KCNK1: variants seen among roughly 807,000 people sequenced by gnomAD.
The protein encoded by KCNK1 is potassium channel subfamily K member 1.
Under a neutral mutation model 22.2 loss-of-function variants are expected in KCNK1, and 10 were observed. That is an observed-to-expected ratio of 0.45 (90% confidence interval 0.28 to 0.76). The LOEUF (loss-of-function observed/expected upper bound fraction) is 0.76. Among genes scored for constraint, KCNK1 ranks in the 30% least tolerant of loss-of-function variants. The pLI, the probability that KCNK1 is intolerant of heterozygous loss-of-function variation, is 0.14. For synonymous variants in KCNK1, 200 were observed against 186.4 expected, an observed-to-expected ratio of 1.07 and a Z score of -0.60; for missense variants, 378 against 421.0, an observed-to-expected ratio of 0.90 and a Z score of 0.89.
rs1657445631 is a variant in KCNK1, at chr1:233,614,440, T to A, written c.269T>A (p.Val90Glu). 1 of 1,613,294 alleles carries A rather than the reference T, an allele frequency of 6.2e-7. No homozygotes were observed. The highest frequency in any genetic ancestry group is 1.3e-5 in the African/African-American group (1 of 74,900). The change falls in exon 1 of 3, where the codon GTG becomes GAG. Residue 90 changes from valine (V) to glutamate (E), a missense_variant. Physicochemically the swap from Val to Glu is moderately radical, Grantham distance 121. Coordinates refer to ENST00000366621, the MANE Select transcript of KCNK1 (RefSeq NM_002245.4). ...GRVLEASNYG[V>E]SVLSNASGNW... ...GTGCTGGAGGCCAGCAACTACGGCG[T>A]GTCGGTGCTCAGCAACGCCTCGGGC... is the stretch of plus-strand genomic sequence containing the variant.
intron 1 of KCNK1, among the ~76,000 whole-genome samples, chr1:233,636,045 G>A (rs936516992): frequency 1.3e-5 from 2 of 152,152 alleles, no homozygotes; most frequent in South Asian, 4.2e-4. Flanking sequence ...CCTGAGCCAG[G>A]AGTATACCTA....
chr1:233,632,092 AT>A (rs1394878092), intron 1 of KCNK1, among the ~76,000 whole-genome samples: 1 of 152,150 alleles, frequency 6.6e-6, no homozygotes, highest in South Asian at 2.1e-4. Flanking sequence ...ACAGGAAAAC[AT>A]TGCGTTGTCT....
intron 2 of KCNK1, among the ~76,000 whole-genome samples, chr1:233,667,716 C>G (rs6681445): frequency 0.3 from 35,832 of 118,242 alleles, 4,957 homozygotes; most frequent in Middle Eastern, 0.38. Flanking sequence ...GGCGACAGAG[C>G]GAGACTCCGT....
At chr1:233,662,266 CTTCTT>C (rs1558119283) in intron 1 of KCNK1, among the ~76,000 whole-genome samples, 70 of 138,274 alleles carry the variant, frequency 5.1e-4, no homozygotes, top group Admixed American at 2.2e-3. Context: ...TCTTCTTCTT[CTTCTT>C]CTCCTCCTCC....
intron 1 of KCNK1, among the ~76,000 whole-genome samples, chr1:233,665,184 G>A (rs773375146): frequency 1.3e-5 from 2 of 152,200 alleles, no homozygotes; most frequent in Non-Finnish European, 2.9e-5. Flanking sequence ...AGAAATGACC[G>A]GGGGGTGGGG....
At chr1:233,621,019 C>T (rs1657577305) in intron 1 of KCNK1, among the ~76,000 whole-genome samples, 1 of 152,122 alleles carries the variant, frequency 6.6e-6, no homozygotes, top group African/African-American at 2.4e-5. Flanking sequence ...TACTTAGGTC[C>T]CAAAGCCGGA....
intron 1 of KCNK1, among the ~76,000 whole-genome samples, chr1:233,617,451 C>T (rs577133295): frequency 5.3e-5 from 8 of 152,206 alleles, no homozygotes; most frequent in East Asian, 3.9e-4. Context: ...GGTTCATGGC[C>T]GGGGAACTTA....
chr1:233,665,471 C>A (rs1658472275), intron 1 of KCNK1, among the ~76,000 whole-genome samples: 1 of 152,308 alleles, frequency 6.6e-6, no homozygotes, highest in African/African-American at 2.4e-5. Flanking sequence ...GTATTGCAAG[C>A]CATACATAAT....
intron 1 of KCNK1, among the ~76,000 whole-genome samples, chr1:233,657,765 A>G (rs1426439158): frequency 1.3e-5 from 2 of 152,232 alleles, no homozygotes; most frequent in Non-Finnish European, 2.9e-5. Context: ...CTGTCCTACT[A>G]TAGCATTTAA....
intron 1 of KCNK1, among the ~76,000 whole-genome samples, chr1:233,646,623 G>C (rs1328187028): frequency 6.6e-6 from 1 of 152,026 alleles, no homozygotes; most frequent in African/African-American, 2.4e-5. Context: ...CAGATGGAAG[G>C]TCTGAAGGCC....
intron 1 of KCNK1, among the ~76,000 whole-genome samples, chr1:233,662,452 A>G (rs1658413964): frequency 1.3e-5 from 2 of 152,218 alleles, no homozygotes; most frequent in African/African-American, 4.8e-5. Flanking sequence ...CATCTGGTGT[A>G]TGTGAAGAAG....
intron 1 of KCNK1, among the ~76,000 whole-genome samples, chr1:233,621,726 T>C (rs1011439671): frequency 1.3e-5 from 2 of 151,958 alleles, no homozygotes; most frequent in South Asian, 4.1e-4. Flanking sequence ...TTTGAAGGTT[T>C]GGGGTTTTTT....
intron 1 of KCNK1, among the ~76,000 whole-genome samples, chr1:233,645,964 CCTAATA>C (rs1377012323): frequency 6.6e-6 from 1 of 152,016 alleles, no homozygotes; most frequent in Non-Finnish European, 1.5e-5. Context: ...AAACAGATTG[CCTAATA>C]CTGTTACCTG....
intron 1 of KCNK1, among the ~76,000 whole-genome samples, chr1:233,646,548 T>G (rs1658096877): frequency 6.6e-6 from 1 of 151,812 alleles, no homozygotes; most frequent in Non-Finnish European, 1.5e-5. Context: ...ATTATTATTA[T>G]TATTATTATT....
chr1:233,640,079 A>G (rs1014270368), intron 1 of KCNK1, among the ~76,000 whole-genome samples: 7 of 152,240 alleles, frequency 4.6e-5, no homozygotes, highest in African/African-American at 1.7e-4. Flanking sequence ...CTTTTCTCCA[A>G]ATGAGAAAGA....
intron 1 of KCNK1, among the ~76,000 whole-genome samples, chr1:233,654,436 G>T (rs1180089566): frequency 1.3e-5 from 2 of 152,192 alleles, no homozygotes; most frequent in African/African-American, 4.8e-5. Flanking sequence ...AGGTAGAGCG[G>T]TGAACACTGA....
At chr1:233,630,362 C>T (rs1657770615) in intron 1 of KCNK1, 1 of 152,224 alleles carries the variant, frequency 6.6e-6, no homozygotes, top group African/African-American at 2.4e-5. Flanking sequence ...AGTTTACTCT[C>T]ATCTTTAAAA....
At chr1:233,658,468 ACATAT>A in intron 1 of KCNK1, among the ~76,000 whole-genome samples, 1 of 152,220 alleles carries the variant, frequency 6.6e-6, no homozygotes, top group Non-Finnish European at 1.5e-5. Context: ...GGAAAAACCT[ACATAT>A]TAAGCAAGAA....
intron 1 of KCNK1, among the ~76,000 whole-genome samples, chr1:233,624,978 C>G (rs1407414461): frequency 6.6e-6 from 1 of 152,174 alleles, no homozygotes; most frequent in Non-Finnish European, 1.5e-5. Flanking sequence ...GAGAAAACTT[C>G]TCCTTCACCC....
Sources: allele counts gnomAD v4.1 joint callset (sites outside exome capture counted in the v4.1 genomes callset), GRCh38; gene constraint gnomAD v4.1.1; transcripts MANE v1.5; gene names NCBI Gene and HGNC (gene_info 2026-07-23, HGNC 2026-07-21).